The following UBR2 variants were observed in gnomAD, a reference collection of about 807,000 sequenced individuals.
The protein encoded by UBR2 is E3 ubiquitin-protein ligase UBR2.
A neutral mutation model predicts 247.9 loss-of-function variants in UBR2; 92 were observed. The ratio of observed to expected loss-of-function variants is 0.37; its 90% CI spans 0.31 to 0.44. The LOEUF (loss-of-function observed/expected upper bound fraction) is 0.44, where lower values mean the gene tolerates loss of function less well. Among genes scored for constraint, UBR2 ranks in the 20% least tolerant of loss-of-function variants. The pLI, the probability that UBR2 is intolerant of heterozygous loss-of-function variation, is 1.00. For synonymous variants in UBR2, 672 were observed against 693.5 expected (o/e 0.97, Z 0.49); for missense variants, 1,613 against 2,112.6 (o/e 0.76, Z 4.64).
intron 45 of UBR2, among the ~76,000 whole-genome samples, chr6:42,688,898 A>G (rs2151998512): frequency 6.6e-6 from 1 of 152,348 alleles, no homozygotes; most frequent in East Asian, 1.9e-4. Context: ...AAGAATTTAG[A>G]TAGTGATATA....
intron 2 of UBR2, among the ~76,000 whole-genome samples, chr6:42,580,913 T>G: frequency 6.6e-6 from 1 of 152,082 alleles, no homozygotes; most frequent in Admixed American, 6.5e-5. Flanking sequence ...CTTTCCTGTC[T>G]CACTAGAAAT....
intron 21 of UBR2, 105 bp from the exon 22 acceptor site, chr6:42,648,013 T>C (rs1796880396): frequency 6.6e-6 from 5 of 760,692 alleles, no homozygotes; most frequent in South Asian, 5.5e-5. Flanking sequence ...GGAGATAAGG[T>C]GTATCTACCT....
At chr6:42,611,331 C>T (rs529069084) in intron 7 of UBR2, among the ~76,000 whole-genome samples, 151 of 151,402 alleles carry the variant, frequency 1.0e-3, no homozygotes, top group Non-Finnish European at 1.7e-3. Flanking sequence ...CGTGGTGGCG[C>T]ATGCCTGTAG....
At chr6:42,651,874 GGTT>G in intron 23 of UBR2, 146 bp from the exon 24 acceptor site, 1 of 619,008 alleles carries the variant, frequency 1.6e-6, no homozygotes, top group Non-Finnish European at 2.7e-6. Flanking sequence ...CACTTTGGGA[GGTT>G]GAGGTGGGCA....
At chr6:42,665,120 G>GTAGA (rs1486195940) in intron 32 of UBR2, among the ~76,000 whole-genome samples, 1 of 152,114 alleles carries the variant, frequency 6.6e-6, no homozygotes, top group African/African-American at 2.4e-5. Flanking sequence ...TAAGCACTTG[G>GTAGA]TAGATATTAA....
intron 1 of UBR2, among the ~76,000 whole-genome samples, chr6:42,565,756 C>G (rs755406520): frequency 1.3e-5 from 2 of 152,032 alleles, no homozygotes; most frequent in Non-Finnish European, 2.9e-5. Flanking sequence ...GTTGGGGTTT[C>G]TCCATGTTGG....
intron 2 of UBR2, among the ~76,000 whole-genome samples, chr6:42,581,837 A>G (rs900157221): frequency 6.6e-5 from 10 of 152,176 alleles, no homozygotes; most frequent in Admixed American, 3.9e-4. Context: ...AGTTTTGGCT[A>G]TTATGAATAA....
intron 5 of UBR2, among the ~76,000 whole-genome samples, chr6:42,604,592 A>G (rs1479144155): frequency 6.6e-6 from 1 of 152,198 alleles, no homozygotes; most frequent in Non-Finnish European, 1.5e-5. Context: ...ATTTTGGGAC[A>G]GCATGGCCCC....
intron 40 of UBR2, 146 bp downstream of exon 40, chr6:42,677,019 T>C: frequency 1.5e-6 from 1 of 649,042 alleles, no homozygotes; most frequent in Non-Finnish European, 2.7e-6. Flanking sequence ...TGCAGAGCCT[T>C]TCTGAACTAT....
At chr6:42,661,424 A>G (rs1390268452) in intron 30 of UBR2, among the ~76,000 whole-genome samples, 1 of 152,248 alleles carries the variant, frequency 6.6e-6, no homozygotes, top group East Asian at 1.9e-4. Flanking sequence ...TAATGCTTTG[A>G]CATTTGCACT....
At chr6:42,662,505 C>G (rs2151976461) in intron 31 of UBR2, among the ~76,000 whole-genome samples, 1 of 152,170 alleles carries the variant, frequency 6.6e-6, no homozygotes, top group East Asian at 1.9e-4. Flanking sequence ...CTATATCTTC[C>G]AAAGAAGGAA....
At chr6:42,677,762 C>A (rs1798797704) in intron 40 of UBR2, among the ~76,000 whole-genome samples, 1 of 152,042 alleles carries the variant, frequency 6.6e-6, no homozygotes, top group Non-Finnish European at 1.5e-5. Context: ...AAGAGTGAGA[C>A]CCTGTCTCAA....
Position 42,638,363 on chromosome 6 carries a change from A to ATT in UBR2, c.1858+1176_1858+1177dup, listed in dbSNP as rs146988942. 4.6e-3 allele frequency among the ~76,000 whole-genome samples: 703 copies of ATT among 151,562 alleles called. 2 individuals are homozygous for ATT. The highest frequency in any genetic ancestry group is 0.014 in the African/African-American group (584 of 41,274). ...ATGATTCCTCTTTCATTCTGAAGGCATTTTTTTTCATTGTTCTGAGACCTA... is the reference window on the plus strand; with the variant it reads ...ATGATTCCTCTTTCATTCTGAAGGCATTTTTTTTTTCATTGTTCTGAGACCTA... On this transcript the variant is annotated intron_variant, in intron 15 of 46. Coordinates refer to ENST00000372901, the MANE Select transcript of UBR2 (RefSeq NM_001363705.2).
intron 34 of UBR2, 51 bp from the exon 35 acceptor site, chr6:42,670,041 G>T (rs932431102): frequency 6.3e-7 from 1 of 1,590,070 alleles, no homozygotes. Flanking sequence ...CGAACCATTT[G>T]ATTGATATGT....
At position 42,659,595 on chromosome 6, in the gene UBR2, T is replaced by C. The variant is rs979938081; in HGVS notation, c.3243-61T>C. On this transcript the variant is annotated intron_variant, in intron 29 of 46. Coordinates refer to ENST00000372901, the MANE Select transcript of UBR2 (RefSeq NM_001363705.2). This position sits in a 1 kb window ranked among gnomAD's most constrained non-coding sequence, Gnocchi z 4.3. ...ACACACACATACCTGTAGTCTGCTA[T>C]TTTGTGATTATATAGAAAGTTTTGG... The C allele has an allele frequency of 6.2e-6, 9 of 1,455,282 alleles. No individual in the cohort carries two copies. Among genetic ancestry groups the C allele is most frequent in the Middle Eastern group, 1.7e-4 (1 of 5,770 alleles). The allele number at this position is 1,455,282 out of a possible 1,614,324, so 90.1% of individuals were successfully genotyped here.
At chr6:42,612,397 A>C in intron 8 of UBR2, 106 bp downstream of exon 8, 1 of 1,231,672 alleles carries the variant, frequency 8.1e-7, no homozygotes, top group East Asian at 2.7e-5. Context: ...TCCTGCTTTA[A>C]TTTTACATTT....
intron 4 of UBR2, among the ~76,000 whole-genome samples, chr6:42,595,721 A>C (rs1204114474): frequency 2.0e-5 from 3 of 150,244 alleles, no homozygotes; most frequent in African/African-American, 7.3e-5. Flanking sequence ...CTGTCTTTAA[A>C]AAAAAAAAAA....
In UBR2 at chr6:42,690,947, A is replaced by T. The variant is rs1050931267; in HGVS notation, c.5127-85A>T. Reference sequence around the variant, plus strand: ...AGGGAGTCTAAAACCAATAACTTGTAACCTTGCCTAAATCAGGAAGGGTTG... The same window carrying T: ...AGGGAGTCTAAAACCAATAACTTGTTACCTTGCCTAAATCAGGAAGGGTTG... On this transcript the variant is annotated intron_variant, in intron 46 of 46. Transcript: ENST00000372901. The T allele has an allele frequency of 4.5e-5, 69 of 1,539,940 alleles. No individual in the cohort carries two copies. The African/African-American group carries it at 9.0e-4, about 20-fold the overall frequency.
At chr6:42,575,715 A>G (rs1458940311) in intron 2 of UBR2, among the ~76,000 whole-genome samples, 1 of 152,194 alleles carries the variant, frequency 6.6e-6, no homozygotes, top group African/African-American at 2.4e-5. Context: ...GGTGGTATGT[A>G]TGATTTTGAT....
Sources: gnomAD v4.1 joint callset for allele counts (sites outside exome capture counted in the v4.1 genomes callset) on GRCh38, gnomAD v4.1.1 for gene constraint, Gnocchi (gnomAD v3.1) non-coding constraint, MANE v1.5 for transcripts, NCBI Gene and HGNC (gene_info 2026-07-23, HGNC 2026-07-21) for gene names.